MECR: variants seen among roughly 807,000 people sequenced by gnomAD.
MECR encodes enoyl-[acyl-carrier-protein] reductase, mitochondrial.
A neutral mutation model predicts 49.1 loss-of-function variants in MECR; 37 were observed. The ratio of observed to expected loss-of-function variants is 0.75; its 90% CI spans 0.58 to 0.99. MECR has a LOEUF of 0.99. Among genes scored for constraint, MECR ranks in the 50% least tolerant of loss-of-function variants. The pLI is 0.00. For missense variants in MECR, 470 were observed against 479.6 expected (o/e 0.98, Z 0.19); for synonymous variants, 198 against 191.1 (o/e 1.04, Z -0.30).
At chr1:29,218,778 T>C (rs534751148) in intron 1 of MECR, among the ~76,000 whole-genome samples, 69 of 152,166 alleles carry the variant, frequency 4.5e-4, no homozygotes, top group Non-Finnish European at 7.9e-4. Context: ...AAGGAATGTA[T>C]GTATTTACAC....
At chr1:29,224,978 C>T (rs1681689148) in intron 1 of MECR, among the ~76,000 whole-genome samples, 1 of 152,202 alleles carries the variant, frequency 6.6e-6, no homozygotes, top group Non-Finnish European at 1.5e-5. Flanking sequence ...CTCCCGGACT[C>T]TCTGGACGGA....
chr1:29,168,264 C>T, the MECR span, among the ~76,000 whole-genome samples: 2 of 149,990 alleles, frequency 1.3e-5, no homozygotes, highest in African/African-American at 2.5e-5. Context: ...CTCCTGAGCT[C>T]AGGCAATCCA....
At chr1:29,188,863 C>T (rs1673073496), downstream of MECR, among the ~76,000 whole-genome samples, 1 of 151,856 alleles carries the variant, frequency 6.6e-6, no homozygotes, top group African/African-American at 2.4e-5. Flanking sequence ...TGATCTTGAA[C>T]TCCTGACCTC....
chr1:29,168,983 T>C, the MECR span: 1 of 152,206 alleles, frequency 6.6e-6, no homozygotes, highest in Admixed American at 6.5e-5. Flanking sequence ...ACCATGCAGA[T>C]GATAAACATC....
the MECR span, among the ~76,000 whole-genome samples, chr1:29,186,380 T>C: frequency 6.6e-6 from 1 of 152,230 alleles, no homozygotes; most frequent in Non-Finnish European, 1.5e-5. Context: ...ATGTCCACCT[T>C]ATTTCAAGTG....
At chr1:29,223,243 G>T in intron 1 of MECR, 1 of 985,390 alleles carries the variant, frequency 1.0e-6, no homozygotes, top group South Asian at 4.7e-5. Flanking sequence ...TGGCTCCTTT[G>T]AGGCCAAGGC....
chr1:29,189,217 G>A (rs1673076269), downstream of MECR, among the ~76,000 whole-genome samples: 5 of 144,338 alleles, frequency 3.5e-5, no homozygotes, highest in South Asian at 1.0e-3. Flanking sequence ...GATTACAGGT[G>A]TGAGCCACTG....
chr1:29,230,650 C>T (rs1297705071), intron 1 of MECR, 81 bp downstream of exon 1: 2 of 1,498,358 alleles, frequency 1.3e-6, no homozygotes, highest in East Asian at 5.0e-5. Context: ...GGACCCTGTC[C>T]CTCTCTTCCC....
the MECR span, among the ~76,000 whole-genome samples, chr1:29,185,622 TCAGGCTGGTCTTGAACTTCCAACTC>T: frequency 6.6e-6 from 1 of 152,114 alleles, no homozygotes; most frequent in African/African-American, 2.4e-5. Context: ...TCCACGTTGG[TCAGGCTGGTCTTGAACTTCCAACTC>T]CAGGTGATTC....
chr1:29,169,675 A>T, the MECR span: 2 of 152,254 alleles, frequency 1.3e-5, no homozygotes, highest in Non-Finnish European at 2.9e-5. Flanking sequence ...CTTTCTCATA[A>T]AGTAAACCAA....
At chr1:29,186,137 T>A in the MECR span, among the ~76,000 whole-genome samples, 4 of 152,258 alleles carry the variant, frequency 2.6e-5, no homozygotes, top group African/African-American at 9.6e-5. Flanking sequence ...CCTTCCCCAA[T>A]GCAAGTGGCA....
chr1:29,222,914 T>C (rs971941971), intron 1 of MECR, among the ~76,000 whole-genome samples: 1 of 152,182 alleles, frequency 6.6e-6, no homozygotes, highest in East Asian at 1.9e-4. Context: ...CTGCAGACAG[T>C]GCTAACCATG....
chr1:29,212,406 ACT>A (rs1407574251), intron 3 of MECR, among the ~76,000 whole-genome samples: 1 of 152,126 alleles, frequency 6.6e-6, no homozygotes, highest in Non-Finnish European at 1.5e-5. Context: ...ACAGAGCGAG[ACT>A]CTGTCTCAAA....
At chr1:29,211,477 G>A (rs1678012432) in intron 3 of MECR, among the ~76,000 whole-genome samples, 1 of 152,320 alleles carries the variant, frequency 6.6e-6, no homozygotes, top group Non-Finnish European at 1.5e-5. Flanking sequence ...TATAGCCTAC[G>A]AAGCCTAAAA....
the MECR span, among the ~76,000 whole-genome samples, chr1:29,175,833 C>T: frequency 1.3e-5 from 2 of 151,158 alleles, no homozygotes. Context: ...TTGTTTTAAC[C>T]TCTTCTTAGA....
chr1:29,198,270 G>A (rs1031994550), intron 7 of MECR, among the ~76,000 whole-genome samples: 2 of 152,210 alleles, frequency 1.3e-5, no homozygotes, highest in African/African-American at 4.8e-5. Flanking sequence ...GCGGCCTGGG[G>A]GCTGGGGACC....
At position 29,201,843 on chromosome 1, in the gene MECR, GAGGA is replaced by G. The variant is rs1675387549; in HGVS notation, c.756+96_756+99del. ...CAAGAGGCAAAGGGAGGTTTCCAGAGAGGAACAATGGGGCCAGTCCCCAGTTTCT... is the reference window on the plus strand; with the variant it reads ...CAAGAGGCAAAGGGAGGTTTCCAGAGACAATGGGGCCAGTCCCCAGTTTCT... On this transcript the variant is annotated intron_variant, in intron 6 of 9. Coordinates refer to ENST00000263702, the MANE Select transcript of MECR (RefSeq NM_016011.5). This position sits in a 1 kb window ranked among gnomAD's most constrained non-coding sequence, Gnocchi z 4.3. 2 of 1,059,442 alleles carry G rather than the reference GAGGA, an allele frequency of 1.9e-6. No individual in the cohort carries two copies. The highest frequency in any genetic ancestry group is 2.7e-5 in the South Asian group (2 of 73,020). The allele number at this position is 1,059,442 out of a possible 1,614,324, so 65.6% of individuals were successfully genotyped here. A position where few individuals can be genotyped will look rare whatever the true frequency, so the allele number is the denominator to read the frequency against.
At chr1:29,217,944 C>T (rs1679885597) in intron 1 of MECR, among the ~76,000 whole-genome samples, 1 of 152,136 alleles carries the variant, frequency 6.6e-6, no homozygotes, top group African/African-American at 2.4e-5. Flanking sequence ...GGCTGAAGGT[C>T]CTGGGTATAA....
At chr1:29,225,666 C>A (rs113165693) in intron 1 of MECR, among the ~76,000 whole-genome samples, 1 of 152,168 alleles carries the variant, frequency 6.6e-6, no homozygotes, top group African/African-American at 2.4e-5. Flanking sequence ...TTCATGACCA[C>A]AATAAAGAGC....
Sources: gnomAD v4.1 joint callset for allele counts (sites outside exome capture counted in the v4.1 genomes callset) on GRCh38, gnomAD v4.1.1 for gene constraint, Gnocchi (gnomAD v3.1) non-coding constraint, MANE v1.5 for transcripts, NCBI Gene and HGNC (gene_info 2026-07-23, HGNC 2026-07-21) for gene names.